The following SH2B1 variants were observed in gnomAD, a reference collection of about 807,000 sequenced individuals.
SH2B1 encodes SH2B adapter protein 1.
A neutral mutation model predicts 62.6 loss-of-function variants in SH2B1; 15 were observed. The observed-to-expected ratio is 0.24, with a 90% CI of 0.16 to 0.37. SH2B1 has a LOEUF of 0.37. Among genes scored for constraint, SH2B1 ranks in the 10% least tolerant of loss-of-function variants. The pLI is 1.00. For synonymous variants in SH2B1, 443 were observed against 438.0 expected (o/e 1.01, Z -0.14); for missense variants, 925 against 1,015.6 (o/e 0.91, Z 1.21).
chr16:28,855,197 G>A (rs1383663279), intron 1 of SH2B1, among the ~76,000 whole-genome samples: 4 of 151,182 alleles, frequency 2.6e-5, no homozygotes, highest in Non-Finnish European at 5.9e-5. Flanking sequence ...CCCCACTTTC[G>A]TTTTGCAAAC....
chr16:28,866,696 A>T lies in SH2B1; in HGVS notation c.602A>T (p.Asn201Ile). The T allele has an allele frequency of 5.0e-6, 8 of 1,597,922 alleles. No individual in the cohort carries two copies. Among genetic ancestry groups the T allele is most frequent in the Non-Finnish European group, 6.8e-6 (8 of 1,171,436 alleles). Residue 201 changes from asparagine (N) to isoleucine (I), a missense_variant, in exon 1 of 8, where the codon AAC (asparagine) becomes ATC (isoleucine). Physicochemically the swap from Asn to Ile is moderately radical, Grantham distance 149 (BLOSUM62 -3). Transcript: ENST00000684370. The surrounding 1 kb of genome is among the most constrained non-coding windows in gnomAD (Gnocchi z 6.3). ...PPVLGGNSNS[N>I]SSGGAGTVGR... ...GTCTTAGGTGGAAACAGCAACTCCAACTCCTCTGGCGGGGCTGGGACCGTT... is the reference window on the plus strand; with the variant it reads ...GTCTTAGGTGGAAACAGCAACTCCATCTCCTCTGGCGGGGCTGGGACCGTT...
In SH2B1 at chr16:28,852,209, T is replaced by TATATATTTACATATATATTTAC. The variant is rs1962117440; in HGVS notation, c.-301+5388_-301+5389insTTACATATATATTTACATATAT. 1.5e-4 allele frequency among the ~76,000 whole-genome samples: 12 copies of TATATATTTACATATATATTTAC among 78,812 alleles called. 1 individual carries two copies. Among genetic ancestry groups the TATATATTTACATATATATTTAC allele is most frequent in the African/African-American group, 8.0e-4 (12 of 14,964 alleles). 51.7% of individuals were successfully genotyped at this position (78,812 alleles called of 152,430 possible). A position where few individuals can be genotyped will look rare whatever the true frequency, so the allele number is the denominator to read the frequency against. ...ATATATTTTTATTTATATATTTACA[T>TATATATTTACATATATATTTAC]ATATATATTTACATATATATTTACA... On this transcript the variant is annotated intron_variant, in intron 1 of 10. Transcript: ENST00000322610.
chr16:28,871,834 C>T lies in SH2B1; in HGVS notation c.1364C>T (p.Ala455Val). The T allele has an allele frequency of 6.2e-7, 1 of 1,613,984 alleles. No individual in the cohort carries two copies. The highest frequency in any genetic ancestry group is 8.5e-7 in the Non-Finnish European group (1 of 1,179,866). Residue 455 changes from alanine (A) to valine (V), a missense_variant, in exon 5 of 8, where the codon GCC (alanine) becomes GTC (valine). Transcript: ENST00000684370. ...TCGGCATCCATCTCCCCCAGCTCTG[C>T]CTCCATTGCCGCCTCCCATTTTGAC... The part of the protein sequence containing the change: ...RPSASISPSS[A>V]SIAASHFDSM...
intron 1 of SH2B1, among the ~76,000 whole-genome samples, chr16:28,849,789 G>A (rs540912369): frequency 1.3e-5 from 2 of 152,134 alleles, no homozygotes; most frequent in South Asian, 4.2e-4. Context: ...ACCTGGGCAT[G>A]GTGCACGCCT....
At chr16:28,857,147 G>T (rs377038222) in intron 1 of SH2B1, among the ~76,000 whole-genome samples, 1 of 152,052 alleles carries the variant, frequency 6.6e-6, no homozygotes, top group African/African-American at 2.4e-5. Context: ...GCTGGACGCG[G>T]TGATGCACAC....
At chr16:28,861,624 TG>T (rs1211564347), upstream of SH2B1, 2 of 151,964 alleles carry the variant, frequency 1.3e-5, no homozygotes, top group Non-Finnish European at 2.9e-5. Context: ...TTAGCAGAGA[TG>T]GGGTTTCACC....
rs1160374921 is a variant in SH2B1 at position 28,869,398 on chromosome 16, T to A, written c.1309+15T>A. Reference sequence around the variant, plus strand: ...CCTGTCGCAGGGTAAGGGTGGAGCCTTAGAGAGCTCGGAGCCTCGGAACCT... The same window carrying A: ...CCTGTCGCAGGGTAAGGGTGGAGCCATAGAGAGCTCGGAGCCTCGGAACCT... On this transcript the variant is annotated intron_variant, in intron 4 of 7. Coordinates refer to ENST00000684370, the MANE Select transcript of SH2B1 (RefSeq NM_001387430.1). The A allele has an allele frequency of 6.2e-7, 1 of 1,603,530 alleles. No homozygotes were observed.
Position 28,872,885 on chromosome 16 carries a change from A to G in SH2B1, c.1897+180A>G. 1 of 841,654 alleles carries G rather than the reference A, an allele frequency of 1.2e-6. No homozygotes were observed. Among genetic ancestry groups the G allele is most frequent in the Non-Finnish European group, 1.9e-6 (1 of 531,862 alleles). 52.1% of individuals were successfully genotyped at this position (841,654 alleles called of 1,614,324 possible). On this transcript the variant is annotated intron_variant, in intron 7 of 7. Transcript: ENST00000684370. This position sits in a 1 kb window ranked among gnomAD's most constrained non-coding sequence, Gnocchi z 5.3. ...GAAGGGAAAGAAATGCGCTGATAGG[A>G]CACAGGAAGGCAGAAGGCTCCTGGC...
chr16:28,871,671 T>G, intron 4 of SH2B1, 109 bp from the exon 5 acceptor site: 1 of 852,394 alleles, frequency 1.2e-6, no homozygotes, highest in South Asian at 1.4e-5. Context: ...GTTTGGCATC[T>G]TGGCCAGCGA....
At chr16:28,863,596 C>G (rs1962524508), upstream of SH2B1, 3 of 1,353,028 alleles carry the variant, frequency 2.2e-6, no homozygotes, top group Non-Finnish European at 3.0e-6. Context: ...CCCCTTTGTC[C>G]CGAATTTCCT....
At position 28,874,144 on chromosome 16, in the gene SH2B1, T is replaced by G. The variant is rs182251389; in HGVS notation, c.*324T>G. On this transcript the variant is annotated 3_prime_UTR_variant, in exon 8 of 8. Coordinates refer to ENST00000684370, the MANE Select transcript of SH2B1 (RefSeq NM_001387430.1). The stretch of plus-strand genomic sequence containing the variant: ...GGGCTGTCAGTTACATTAAGGTGGT[T>G]GTTGTTGTTGTTTTAAACAAAATGG... 1.1e-3 allele frequency: 311 copies of G among 278,892 alleles called. 1 individual carries two copies. The highest frequency in any genetic ancestry group is 1.8e-3 in the South Asian group (11 of 5,984). The allele number at this position is 278,892 out of a possible 1,614,324, so 17.3% of individuals were successfully genotyped here. A position where few individuals can be genotyped will look rare whatever the true frequency, so the allele number is the denominator to read the frequency against.
chr16:28,853,861 G>A (rs761901175), intron 1 of SH2B1, among the ~76,000 whole-genome samples: 83 of 151,616 alleles, frequency 5.5e-4, no homozygotes, highest in Non-Finnish European at 9.6e-4. Flanking sequence ...TTAGCCGGGC[G>A]TAGGTGGTGC....
Position 28,873,322 on chromosome 16 carries a change from G to A in SH2B1, c.1898-125G>A. On this transcript the variant is annotated intron_variant, in intron 7 of 7. Coordinates refer to ENST00000684370, the MANE Select transcript of SH2B1 (RefSeq NM_001387430.1). The surrounding 1 kb of genome is among the most constrained non-coding windows in gnomAD (Gnocchi z 4.2). The stretch of plus-strand genomic sequence containing the variant: ...CCCATGATCCATCTTCCATGGATGG[G>A]GGGTTGCTCAGGAGATGGGATGTGG... 6.3e-7 allele frequency: 1 copy of A among 1,587,732 alleles called. No individual in the cohort carries two copies. The highest frequency in any genetic ancestry group is 8.6e-7 in the Non-Finnish European group (1 of 1,164,142).
rs750308392 is a variant in SH2B1 at position 28,866,652 on chromosome 16, G to A, written c.558G>A (p.Glu186=). ...VDPPSSAGPL[E]TSSGPPVLGG... ...CTCCCTCCTCCGCTGGGCCCCTGGAGACCTCGTCAGGCCCCCCAGTCTTAG... is the reference window on the plus strand; with the variant it reads ...CTCCCTCCTCCGCTGGGCCCCTGGAAACCTCGTCAGGCCCCCCAGTCTTAG... Residue 186 remains glutamate, a synonymous_variant, in exon 1 of 8, where the codon GAG becomes GAA. Coordinates refer to ENST00000684370, the MANE Select transcript of SH2B1 (RefSeq NM_001387430.1). This position sits in a 1 kb window ranked among gnomAD's most constrained non-coding sequence, Gnocchi z 6.3. The A allele has an allele frequency of 6.5e-5, 104 of 1,612,200 alleles. No individual in the cohort carries two copies. Among genetic ancestry groups the A allele is most frequent in the Non-Finnish European group, 8.7e-5 (102 of 1,179,074 alleles).
chr16:28,868,792 G>T (rs1962873043), intron 2 of SH2B1, among the ~76,000 whole-genome samples: 1 of 151,888 alleles, frequency 6.6e-6, no homozygotes, highest in South Asian at 2.1e-4. Context: ...TTAGAGACAG[G>T]TTCTCACTAT....
At position 28,871,808 on chromosome 16, in the gene SH2B1, C is replaced by G. The variant is rs774224296; in HGVS notation, c.1338C>G (p.Pro446=). Residue 446 remains proline (P), a synonymous_variant, in exon 5 of 8, where the codon CCC becomes CCG. Coordinates refer to ENST00000684370, the MANE Select transcript of SH2B1 (RefSeq NM_001387430.1). ...QGAYGGLSDR[P]SASISPSSAS... is the part of the protein sequence containing the mutation. ...CATATGGGGGCCTCTCAGACCGCCC[C>G]TCGGCATCCATCTCCCCCAGCTCTG... 3.1e-6 allele frequency: 5 copies of G among 1,613,994 alleles called. No individual in the cohort carries two copies. Among genetic ancestry groups the G allele is most frequent in the South Asian group, 1.1e-5 (1 of 91,088 alleles).
Position 28,854,402 on chromosome 16 carries a change from G to A in SH2B1, c.-300-7216G>A, listed in dbSNP as rs1962276526. Reference sequence around the variant, plus strand: ...AAAATCCAAATTCCTACTTTAAATGGGCGATTTGTATCTCAATCATGGTAG... The same window carrying A: ...AAAATCCAAATTCCTACTTTAAATGAGCGATTTGTATCTCAATCATGGTAG... On this transcript the variant is annotated intron_variant, in intron 1 of 10. Transcript: ENST00000322610. Among the ~76,000 whole-genome samples the A allele has an allele frequency of 2.6e-5, 4 of 152,046 alleles. No homozygotes were observed. The South Asian group carries it at 8.3e-4, about 32-fold the overall frequency.
chr16:28,858,052 G>C (rs1440301782), intron 1 of SH2B1, among the ~76,000 whole-genome samples: 1 of 151,960 alleles, frequency 6.6e-6, no homozygotes, highest in Non-Finnish European at 1.5e-5. Context: ...GTTCTTATTA[G>C]TACATCACTG....
At chr16:28,861,277 T>C (rs6565229), upstream of SH2B1, among the ~76,000 whole-genome samples, 51,885 of 150,700 alleles carry the variant, frequency 0.34, 9,529 homozygotes, top group Admixed American at 0.41. Flanking sequence ...AGATTACAGG[T>C]ATGTGCCACC....
Sources: allele counts gnomAD v4.1 joint callset (sites outside exome capture counted in the v4.1 genomes callset), GRCh38; gene constraint gnomAD v4.1.1; non-coding constraint Gnocchi (gnomAD v3.1); transcripts MANE v1.5; gene names NCBI Gene and HGNC (gene_info 2026-07-23, HGNC 2026-07-21).